The following FOXP1 variants were observed in gnomAD, a reference collection of about 807,000 sequenced individuals.
FOXP1 encodes the protein forkhead box P1, also known as forkhead box protein P1.
FOXP1 carries 15 observed loss-of-function variants against 98.2 expected under a neutral mutation model. The observed-to-expected ratio is 0.15, with a 90% confidence interval of 0.10 to 0.24. FOXP1 has a LOEUF of 0.24. Among genes scored for constraint, FOXP1 ranks in the 10% least tolerant of loss-of-function variants. The probability of loss-of-function intolerance (pLI) is 1.00; values close to 1 mark genes in which losing one functional copy is unlikely to be tolerated. For missense variants in FOXP1, 633 were observed against 848.5 expected, an observed-to-expected ratio of 0.75 and a Z score of 3.15; for synonymous variants, 371 against 314.5, an observed-to-expected ratio of 1.18 and a Z score of -1.90.
chr3:71,378,440 C>T (rs1282619269), intron 3 of FOXP1, among the ~76,000 whole-genome samples: 1 of 152,096 alleles, frequency 6.6e-6, no homozygotes, highest in African/African-American at 2.4e-5. Flanking sequence ...CAATTGCCCA[C>T]CATGCTGAGC....
intron 17 of FOXP1, among the ~76,000 whole-genome samples, chr3:70,974,968 C>CA (rs541059201): frequency 8.1e-4 from 123 of 151,714 alleles, no homozygotes; most frequent in Non-Finnish European, 9.9e-4. Flanking sequence ...CAAGAGTTTT[C>CA]AAAAAAAAGA....
intron 6 of FOXP1, among the ~76,000 whole-genome samples, chr3:71,176,091 C>T (rs146192392): frequency 6.6e-6 from 1 of 152,294 alleles, no homozygotes; most frequent in East Asian, 1.9e-4. Context: ...ACACAAGGTA[C>T]CAGAAATATT....
chr3:71,232,903 A>AAAAAAAAAAAAAC, intron 5 of FOXP1, among the ~76,000 whole-genome samples: 1 of 149,408 alleles, frequency 6.7e-6, no homozygotes, highest in Non-Finnish European at 1.5e-5. Context: ...AAAAGCAAGA[A>AAAAAAAAAAAAAC]AAATGGGGAC....
intron 1 of FOXP1, chr3:71,582,808 C>T (rs1279963377): frequency 2.0e-6 from 2 of 984,772 alleles, no homozygotes; most frequent in Non-Finnish European, 2.4e-6. Context: ...TTGAATTTTC[C>T]GGGCTCCGAG....
At chr3:71,201,386 C>T (rs2063662742) in intron 5 of FOXP1, among the ~76,000 whole-genome samples, 1 of 152,206 alleles carries the variant, frequency 6.6e-6, no homozygotes, top group Non-Finnish European at 1.5e-5. Context: ...TGGCTCATGC[C>T]TGTAATCCCA....
At chr3:71,558,638 G>T (rs1451127086) in intron 2 of FOXP1, among the ~76,000 whole-genome samples, 1 of 151,586 alleles carries the variant, frequency 6.6e-6, no homozygotes, top group African/African-American at 2.4e-5. Context: ...GGGACCACAG[G>T]CATGGGCCAC....
chr3:71,458,660 A>G lies in FOXP1; in HGVS notation c.-168+34766T>C, dbSNP rs2087729543. Among the ~76,000 whole-genome samples the G allele has an allele frequency of 2.6e-5, 4 of 152,336 alleles. No homozygotes were observed. The South Asian group carries it at 8.3e-4, about 32-fold the overall frequency. On this transcript the variant is annotated intron_variant, in intron 3 of 20. Transcript: ENST00000649528. ...ACTCTACATCTTTATTCAAATGAAA[A>G]TACTTTCCCCAGCATTTATTTCTTT... is the stretch of plus-strand genomic sequence containing the variant.
chr3:70,994,764 T>G (rs1375464490), intron 13 of FOXP1, among the ~76,000 whole-genome samples: 1 of 152,348 alleles, frequency 6.6e-6, no homozygotes, highest in East Asian at 1.9e-4. Flanking sequence ...TTGGTTTGGT[T>G]GATTCCTTTT....
chr3:71,213,895 T>G (rs1022390517), intron 5 of FOXP1, among the ~76,000 whole-genome samples: 5 of 152,202 alleles, frequency 3.3e-5, no homozygotes, highest in African/African-American at 1.2e-4. Context: ...ATGGTAACAT[T>G]GTGTTACATG....
At chr3:71,558,483 T>G (rs1330090562) in intron 2 of FOXP1, among the ~76,000 whole-genome samples, 1 of 151,908 alleles carries the variant, frequency 6.6e-6, no homozygotes, top group East Asian at 1.9e-4. Context: ...CTTGTTTTTG[T>G]TTTTTGTTTT....
chr3:70,977,792 T>C, intron 15 of FOXP1, 36 bp downstream of exon 15: 1 of 1,611,818 alleles, frequency 6.2e-7, no homozygotes, highest in Non-Finnish European at 8.5e-7. Flanking sequence ...AATTGCAGAT[T>C]ACAACTCTAC....
At chr3:71,516,665 G>A (rs949093471) in intron 2 of FOXP1, among the ~76,000 whole-genome samples, 3 of 152,090 alleles carry the variant, frequency 2.0e-5, no homozygotes, top group African/African-American at 4.8e-5. Context: ...GGCCAACATG[G>A]TGAAACCCCA....
At chr3:71,482,746 A>G (rs1209600386) in intron 3 of FOXP1, among the ~76,000 whole-genome samples, 1 of 151,944 alleles carries the variant, frequency 6.6e-6, no homozygotes, top group Non-Finnish European at 1.5e-5. Context: ...TCTGTCTTGC[A>G]GAAAATTCAC....
At chr3:71,139,677 T>C (rs2059976809) in intron 6 of FOXP1, among the ~76,000 whole-genome samples, 1 of 152,146 alleles carries the variant, frequency 6.6e-6, no homozygotes, top group East Asian at 1.9e-4. Context: ...GCTTTGGTTC[T>C]ATTACTTCCC....
At chr3:71,310,226 C>T (rs373278226) in intron 4 of FOXP1, among the ~76,000 whole-genome samples, 2 of 152,224 alleles carry the variant, frequency 1.3e-5, no homozygotes, top group African/African-American at 4.8e-5. Flanking sequence ...AAATCTTCCA[C>T]ATGCAGGCAG....
rs146895676 is a variant in FOXP1, at chr3:71,227,536, T to A, written c.-11-29144A>T. On this transcript the variant is annotated intron_variant, in intron 5 of 20. Coordinates refer to ENST00000649528, the MANE Select transcript of FOXP1 (RefSeq NM_001349338.3). ...AAGGAAGTCCTATGATAACATTTCC[T>A]GAGACTTCTAGACATTTGATTAAGG... Among the ~76,000 whole-genome samples the A allele has an allele frequency of 2.0e-5, 3 of 152,304 alleles. No individual in the cohort carries two copies. In the East Asian group the frequency reaches 5.8e-4, roughly 29 times the overall value.
intron 5 of FOXP1, among the ~76,000 whole-genome samples, chr3:71,294,432 A>C (rs2107522172): frequency 6.6e-6 from 1 of 152,238 alleles, no homozygotes; most frequent in East Asian, 1.9e-4. Context: ...AAATCAACCA[A>C]CAATTGCCCT....
intron 6 of FOXP1, among the ~76,000 whole-genome samples, chr3:71,176,907 C>CA (rs1450196423): frequency 6.6e-6 from 1 of 151,756 alleles, no homozygotes; most frequent in Non-Finnish European, 1.5e-5. Flanking sequence ...ACTAAAAATA[C>CA]AAAAAATTAG....
intron 12 of FOXP1, among the ~76,000 whole-genome samples, chr3:71,011,842 G>A (rs2043695340): frequency 6.6e-6 from 1 of 152,108 alleles, no homozygotes; most frequent in Non-Finnish European, 1.5e-5. Flanking sequence ...ACAAGTGCCA[G>A]ACTTCTAATA....
Sources: gnomAD v4.1 joint callset for allele counts (sites outside exome capture counted in the v4.1 genomes callset) on GRCh38, gnomAD v4.1.1 for gene constraint, MANE v1.5 for transcripts, NCBI Gene and HGNC (gene_info 2026-07-23, HGNC 2026-07-21) for gene names.